The following ZNF560 variants were observed in gnomAD, a reference collection of about 807,000 sequenced individuals.
The protein encoded by ZNF560 is zinc finger protein 560.
ZNF560 carries 54 observed loss-of-function variants against 81.8 expected under a neutral mutation model. The observed-to-expected ratio is 0.66, with a 90% CI of 0.53 to 0.83. The LOEUF (loss-of-function observed/expected upper bound fraction) is 0.83. ZNF560 is among the 40% of genes least tolerant of loss of function. ZNF560 has a pLI of 0.00. For synonymous variants in ZNF560, 321 were observed against 317.9 expected (o/e 1.01, Z -0.10); for missense variants, 940 against 932.4 (o/e 1.01, Z -0.11).
At chr19:9,450,163 C>T in the ZNF560 span, among the ~76,000 whole-genome samples, 12 of 146,250 alleles carry the variant, frequency 8.2e-5, no homozygotes, top group Non-Finnish European at 1.4e-4. Flanking sequence ...CAGTGGCAGG[C>T]GCCTGTAATC....
At chr19:9,479,398 G>A (rs145671941) in intron 2 of ZNF560, among the ~76,000 whole-genome samples, 43 of 151,750 alleles carry the variant, frequency 2.8e-4, no homozygotes, top group African/African-American at 9.9e-4. Context: ...AAAAGGGCAG[G>A]GGAAAAAACA....
chr19:9,486,414 G>T (rs2073385322), intron 2 of ZNF560, among the ~76,000 whole-genome samples: 1 of 152,168 alleles, frequency 6.6e-6, no homozygotes, highest in South Asian at 2.1e-4. Context: ...TTCCCTTCTT[G>T]TTAAAGAATA....
At chr19:9,502,412 A>G (rs1431167063), upstream of ZNF560, among the ~76,000 whole-genome samples, 2 of 151,974 alleles carry the variant, frequency 1.3e-5, no homozygotes, top group Non-Finnish European at 2.9e-5. Context: ...GGGTTTCACC[A>G]TGTTGGCCAG....
At chr19:9,491,447 G>A (rs2073471619) in intron 2 of ZNF560, among the ~76,000 whole-genome samples, 1 of 151,994 alleles carries the variant, frequency 6.6e-6, no homozygotes, top group African/African-American at 2.4e-5. Context: ...TGTGGGTTCA[G>A]TTGTCTAGAC....
chr19:9,459,069 C>A, the ZNF560 span, among the ~76,000 whole-genome samples: 2 of 152,318 alleles, frequency 1.3e-5, no homozygotes, highest in Non-Finnish European at 2.9e-5. Flanking sequence ...CTATACTAGC[C>A]AAGCTCTAGC....
At chr19:9,471,171 A>C in intron 6 of ZNF560, 125 bp downstream of exon 6, 1 of 634,224 alleles carries the variant, frequency 1.6e-6, no homozygotes, top group Non-Finnish European at 2.6e-6. Context: ...GCATCTCTCC[A>C]GAGACATTGC....
Position 9,470,513 on chromosome 19 carries a change from C to T in ZNF560, c.327G>A (p.Leu109=). The T allele has an allele frequency of 6.2e-7, 1 of 1,614,156 alleles. No homozygotes were observed. Reference sequence around the variant, plus strand: ...CCACAGCCACACTGTCAAAGGTTACCAGGTCCTAAACCATCAGACACATGC... The same window carrying T: ...CCACAGCCACACTGTCAAAGGTTACTAGGTCCTAAACCATCAGACACATGC... The part of the protein sequence containing the change: ...IQTSNGIQMD[L]VTFDSVAVEF... The change falls in exon 7 of 10, where the codon CTG becomes CTA. Residue 109 remains leucine (L), a synonymous_variant. Transcript: ENST00000301480.
At chr19:9,487,618 T>C (rs1220328339) in intron 2 of ZNF560, among the ~76,000 whole-genome samples, 1 of 152,196 alleles carries the variant, frequency 6.6e-6, no homozygotes, top group East Asian at 1.9e-4. Context: ...TGTAGGGAGC[T>C]AAGAGAGAAG....
At chr19:9,498,400 G>C (rs1403976710) in intron 1 of ZNF560, 138 bp downstream of exon 1, 1 of 152,328 alleles carries the variant, frequency 6.6e-6, no homozygotes, top group East Asian at 1.9e-4. Flanking sequence ...GGCCTCACCC[G>C]ATGGCTCCGC....
chr19:9,449,234 A>G, the ZNF560 span, among the ~76,000 whole-genome samples: 1 of 152,236 alleles, frequency 6.6e-6, no homozygotes, highest in Non-Finnish European at 1.5e-5. Flanking sequence ...CAAAGACCAC[A>G]TTCTCAGCCA....
the ZNF560 span, among the ~76,000 whole-genome samples, chr19:9,449,593 T>C: frequency 6.6e-6 from 1 of 151,970 alleles, no homozygotes; most frequent in Admixed American, 6.6e-5. Flanking sequence ...AAAAGGAACA[T>C]ACCTCAAAAT....
At position 9,468,346 on chromosome 19, in the gene ZNF560, G is replaced by A; in HGVS notation, c.613-12C>T. 1 of 1,560,298 alleles carries A rather than the reference G, an allele frequency of 6.4e-7. No individual in the cohort carries two copies. On this transcript the variant is annotated splice_polypyrimidine_tract_variant and intron_variant, in intron 9 of 9. Transcript: ENST00000301480. ...TTTTGGTTTCTTGCCTGTTAACACA[G>A]GAATGAACAATAAAGGAAGCATTTT...
chr19:9,504,294 G>T, the ZNF560 span, among the ~76,000 whole-genome samples: 2 of 152,126 alleles, frequency 1.3e-5, no homozygotes, highest in African/African-American at 4.8e-5. Context: ...AGTTAGCCAG[G>T]TGTGGTGGCA....
At chr19:9,454,797 C>G in the ZNF560 span, among the ~76,000 whole-genome samples, 1 of 152,148 alleles carries the variant, frequency 6.6e-6, no homozygotes, top group Admixed American at 6.5e-5. Context: ...GGCTCTGATT[C>G]ATTCCACCTT....
chr19:9,504,656 T>C, the ZNF560 span, among the ~76,000 whole-genome samples: 1 of 152,214 alleles, frequency 6.6e-6, no homozygotes, highest in Non-Finnish European at 1.5e-5. Context: ...AAAAGTGTCA[T>C]ATATAACTCT....
At chr19:9,495,639 G>A (rs1018524432) in intron 2 of ZNF560, among the ~76,000 whole-genome samples, 2 of 152,102 alleles carry the variant, frequency 1.3e-5, no homozygotes, top group African/African-American at 2.4e-5. Context: ...CCCAGGAGGC[G>A]GAGGGTGCAG....
intron 4 of ZNF560, 55 bp downstream of exon 4, chr19:9,474,144 G>T (rs751277398): frequency 3.4e-5 from 55 of 1,604,140 alleles, no homozygotes; most frequent in Non-Finnish European, 4.7e-5. Context: ...AACACAGCAA[G>T]TACACAATGT....
intron 2 of ZNF560, among the ~76,000 whole-genome samples, chr19:9,486,078 C>A (rs1201393958): frequency 6.6e-6 from 1 of 152,138 alleles, no homozygotes; most frequent in African/African-American, 2.4e-5. Context: ...AAAAGAGGAG[C>A]CCAATTCTAT....
the ZNF560 span, among the ~76,000 whole-genome samples, chr19:9,450,816 C>T: frequency 1.3e-5 from 2 of 152,286 alleles, no homozygotes; most frequent in South Asian, 4.1e-4. Flanking sequence ...AGGCATGAGC[C>T]ACCACACCAA....
Sources: allele counts gnomAD v4.1 joint callset (sites outside exome capture counted in the v4.1 genomes callset), GRCh38; gene constraint gnomAD v4.1.1; transcripts MANE v1.5; gene names NCBI Gene and HGNC (gene_info 2026-07-23, HGNC 2026-07-21).